Variants in PPIP5K1 observed in about 807,000 individuals in gnomAD.
PPIP5K1 encodes diphosphoinositol pentakisphosphate kinase 1, also known as inositol hexakisphosphate and diphosphoinositol-pentakisphosphate kinase 1.
PPIP5K1 carries 6 observed loss-of-function variants against 27.7 expected under a neutral mutation model. That is an observed-to-expected ratio of 0.22 (90% CI 0.12 to 0.43). The LOEUF is 0.43. Ranked by LOEUF, PPIP5K1 falls within the 20% of genes least tolerant of loss-of-function variation. The pLI is 1.00. For synonymous variants in PPIP5K1, 145 were observed against 242.6 expected, an observed-to-expected ratio of 0.60 and a Z score of 3.74; for missense variants, 394 against 635.4, an observed-to-expected ratio of 0.62 and a Z score of 4.08.
intron 30 of PPIP5K1, among the ~76,000 whole-genome samples, chr15:43,550,182 C>A (rs2082018398): frequency 6.6e-6 from 1 of 152,004 alleles, no homozygotes; most frequent in Non-Finnish European, 1.5e-5. Flanking sequence ...ATCACCCAGG[C>A]TAAAGTACAG....
At chr15:43,541,062 T>A (rs1312432926) in intron 30 of PPIP5K1, among the ~76,000 whole-genome samples, 1 of 152,098 alleles carries the variant, frequency 6.6e-6, no homozygotes, top group Non-Finnish European at 1.5e-5. Flanking sequence ...ATGCACTGCA[T>A]CTCGTTATGT....
At chr15:43,558,673 T>C in intron 30 of PPIP5K1, 122 bp downstream of exon 30, 2 of 1,353,496 alleles carry the variant, frequency 1.5e-6, no homozygotes, top group Non-Finnish European at 2.0e-6. Context: ...TATACATTTT[T>C]AAGTGTACTT....
chr15:43,555,508 A>C (rs2082820530), intron 30 of PPIP5K1, among the ~76,000 whole-genome samples: 1 of 149,878 alleles, frequency 6.7e-6, no homozygotes, highest in African/African-American at 2.5e-5. Flanking sequence ...CTGATCTTGA[A>C]CTCTTGAACT....
chr15:43,540,815 T>C (rs1337838305), intron 30 of PPIP5K1, among the ~76,000 whole-genome samples: 1 of 145,472 alleles, frequency 6.9e-6, no homozygotes, highest in African/African-American at 2.6e-5. Flanking sequence ...TGAGCAGAGA[T>C]TGTGCCACTG....
intron 30 of PPIP5K1, among the ~76,000 whole-genome samples, chr15:43,546,140 G>A (rs996959808): frequency 6.6e-6 from 1 of 152,052 alleles, no homozygotes; most frequent in Non-Finnish European, 1.5e-5. Flanking sequence ...CATACAATAT[G>A]TGACTTTTTG....
chr15:43,547,844 TC>T (rs2081566950), intron 30 of PPIP5K1, among the ~76,000 whole-genome samples: 1 of 152,208 alleles, frequency 6.6e-6, no homozygotes, highest in Non-Finnish European at 1.5e-5. Context: ...CTCTTACAGT[TC>T]CCTATGAATT....
intron 30 of PPIP5K1, among the ~76,000 whole-genome samples, chr15:43,557,307 C>G (rs1042898217): frequency 1.3e-5 from 2 of 152,090 alleles, no homozygotes; most frequent in Non-Finnish European, 2.9e-5. Context: ...ATTAGCCAGG[C>G]ATGGTGGCTT....
intron 30 of PPIP5K1, among the ~76,000 whole-genome samples, chr15:43,556,849 A>G (rs1335011460): frequency 6.6e-6 from 1 of 152,210 alleles, no homozygotes; most frequent in Non-Finnish European, 1.5e-5. Context: ...GGCAAGAGTG[A>G]GTAAAAATGC....
chr15:43,586,749 ATAG>A (rs2085337331), intron 1 of PPIP5K1, among the ~76,000 whole-genome samples: 2 of 85,628 alleles, frequency 2.3e-5, no homozygotes, highest in African/African-American at 7.6e-5. Flanking sequence ...AATAATAATA[ATAG>A]AAGACAAATG....
intron 29 of PPIP5K1, among the ~76,000 whole-genome samples, chr15:43,560,005 G>A (rs1210373463): frequency 6.6e-6 from 1 of 151,822 alleles, no homozygotes; most frequent in African/African-American, 2.4e-5. Flanking sequence ...TGAGGCTTCT[G>A]TGCCTCAATT....
At chr15:43,548,187 C>A (rs1384914592) in intron 30 of PPIP5K1, among the ~76,000 whole-genome samples, 1 of 151,876 alleles carries the variant, frequency 6.6e-6, no homozygotes, top group Non-Finnish European at 1.5e-5. Flanking sequence ...CAACCTCCGC[C>A]TCCCGGGTTC....
intron 30 of PPIP5K1, among the ~76,000 whole-genome samples, chr15:43,540,639 G>A (rs1567013858): frequency 2.0e-5 from 3 of 151,572 alleles, no homozygotes; most frequent in Non-Finnish European, 4.4e-5. Flanking sequence ...AGAGGTTGCA[G>A]TGAGCCGAGA....
At chr15:43,544,328 T>C (rs1362624689) in intron 30 of PPIP5K1, among the ~76,000 whole-genome samples, 1 of 152,208 alleles carries the variant, frequency 6.6e-6, no homozygotes, top group Non-Finnish European at 1.5e-5. Flanking sequence ...TATATCCTGG[T>C]GATTATTTCA....
chr15:43,558,725 A>C (rs2083372474), intron 30 of PPIP5K1, 70 bp downstream of exon 30: 1 of 1,581,962 alleles, frequency 6.3e-7, no homozygotes, highest in Non-Finnish European at 8.6e-7. Flanking sequence ...CTAATTTACT[A>C]CTTTCTTATA....
chr15:43,549,878 G>C (rs1007716505), intron 30 of PPIP5K1, among the ~76,000 whole-genome samples: 12 of 152,302 alleles, frequency 7.9e-5, no homozygotes, highest in Non-Finnish European at 1.3e-4. Flanking sequence ...GGCTGAGGTG[G>C]AAGGATTGCT....
chr15:43,543,352 A>G (rs2081003009), intron 30 of PPIP5K1, among the ~76,000 whole-genome samples: 1 of 152,012 alleles, frequency 6.6e-6, no homozygotes, highest in Non-Finnish European at 1.5e-5. Context: ...CCAGCGTGGC[A>G]CATGTATACA....
At chr15:43,537,932 G>T (rs1315525648) in intron 31 of PPIP5K1, among the ~76,000 whole-genome samples, 5 of 151,722 alleles carry the variant, frequency 3.3e-5, no homozygotes, top group Non-Finnish European at 5.9e-5. Flanking sequence ...TTAATATCCT[G>T]CTAGTGGTCT....
rs58966502 is a variant in PPIP5K1, at chr15:43,546,654, ATTTTTTTT to A, written c.3557-7079_3557-7072del. On this transcript the variant is annotated intron_variant, in intron 30 of 31. Transcript: ENST00000420765. ...GTATTTGTTTGAGTACCTGTTTTCA[ATTTTTTTT>A]TTTTTTTTTTTTTTTTTTGAGTCTC... Among the ~76,000 whole-genome samples, 368 of 106,546 alleles carry A rather than the reference ATTTTTTTT, an allele frequency of 3.5e-3. 2 individuals carry two copies. Among genetic ancestry groups the A allele is most frequent in the African/African-American group, 0.011 (353 of 32,328 alleles). 69.9% of individuals were successfully genotyped at this position (106,546 alleles called of 152,430 possible).
At chr15:43,579,481 G>A (rs1403856962) in intron 10 of PPIP5K1, among the ~76,000 whole-genome samples, 16 of 98,572 alleles carry the variant, frequency 1.6e-4, no homozygotes, top group South Asian at 3.3e-4. Context: ...ACATGTATGC[G>A]CATATAGATA....
Sources: allele counts gnomAD v4.1 joint callset (sites outside exome capture counted in the v4.1 genomes callset), GRCh38; gene constraint gnomAD v4.1.1; transcripts MANE v1.5; gene names NCBI Gene and HGNC (gene_info 2026-07-23, HGNC 2026-07-21).